SEZ6L: variants seen among roughly 807,000 people sequenced by gnomAD.
SEZ6L encodes the protein seizure 6-like protein.
A neutral mutation model predicts 106.2 loss-of-function variants in SEZ6L; 37 were observed. That is an observed-to-expected ratio of 0.35 (90% CI 0.27 to 0.46). The LOEUF is 0.46. Among genes scored for constraint, SEZ6L ranks in the 20% least tolerant of loss-of-function variants. SEZ6L has a pLI of 1.00. For missense variants in SEZ6L, 1,172 were observed against 1,332.8 expected, an observed-to-expected ratio of 0.88 and a Z score of 1.88; for synonymous variants, 541 against 570.4, an observed-to-expected ratio of 0.95 and a Z score of 0.73.
At chr22:26,298,619 T>C (rs2081365537) in intron 4 of SEZ6L, among the ~76,000 whole-genome samples, 1 of 152,206 alleles carries the variant, frequency 6.6e-6, no homozygotes, top group African/African-American at 2.4e-5. Flanking sequence ...GCACTCAAGA[T>C]GTGCACGCAG....
Position 26,375,643 on chromosome 22 carries a change from C to A in SEZ6L, c.2896C>A (p.Leu966Ile). 1 of 1,614,152 alleles carries A rather than the reference C, an allele frequency of 6.2e-7. No homozygotes were observed. ...GGCCCTGGCTATCTTCATCCCGGTC[C>A]TCATCATCTCCTTACTGCTGGGAGG... ...NMALAIFIPV[L>I]IISLLLGGAY... Residue 966 changes from leucine (L) to isoleucine (I), a missense_variant, in exon 15 of 17, where the codon CTC (leucine) becomes ATC (isoleucine). Physicochemically the swap from Leu to Ile is conservative, Grantham distance 5 (BLOSUM62 2). Transcript: ENST00000248933.
At chr22:26,268,508 G>T (rs977172762) in intron 1 of SEZ6L, among the ~76,000 whole-genome samples, 1 of 152,020 alleles carries the variant, frequency 6.6e-6, no homozygotes, top group African/African-American at 2.4e-5. Context: ...AGTAGCCAGG[G>T]GGATCTAGCA....
At chr22:26,240,981 G>A (rs1301278014) in intron 1 of SEZ6L, among the ~76,000 whole-genome samples, 1 of 152,168 alleles carries the variant, frequency 6.6e-6, no homozygotes, top group East Asian at 1.9e-4. Context: ...AGACAGAGGA[G>A]GGCAATGGAC....
At chr22:26,307,495 C>G (rs558612910) in intron 6 of SEZ6L, among the ~76,000 whole-genome samples, 30 of 148,764 alleles carry the variant, frequency 2.0e-4, no homozygotes, top group Non-Finnish European at 3.7e-4. Context: ...AAAAAAAAGA[C>G]AACTGAATAA....
rs138155974 is a variant in SEZ6L, at chr22:26,296,767, T to A, written c.970-121T>A. 742 of 762,294 alleles carry A rather than the reference T, an allele frequency of 9.7e-4. 12 individuals carry two copies. In the East Asian group the frequency reaches 0.024, roughly 24 times the overall value. 47.2% of individuals were successfully genotyped at this position (762,294 alleles called of 1,614,324 possible). ...GTGGGCTCGGCATGGGGCCCAGGGG[T>A]CCCGTTGACCAGGGGCTAGCAGTAC... On this transcript the variant is annotated intron_variant, in intron 3 of 16. Coordinates refer to ENST00000248933, the MANE Select transcript of SEZ6L (RefSeq NM_021115.5).
At chr22:26,329,840 A>G (rs2145964624) in intron 9 of SEZ6L, among the ~76,000 whole-genome samples, 1 of 152,368 alleles carries the variant, frequency 6.6e-6, no homozygotes, top group South Asian at 2.1e-4. Context: ...AACTTTAAAC[A>G]TGTCCCTTCT....
At chr22:26,197,430 G>T (rs1003478837) in intron 1 of SEZ6L, among the ~76,000 whole-genome samples, 1 of 152,174 alleles carries the variant, frequency 6.6e-6, no homozygotes, top group Non-Finnish European at 1.5e-5. Flanking sequence ...CCCGAGCCTG[G>T]TCTTACTGGG....
chr22:26,205,825 T>G (rs910695573), intron 1 of SEZ6L, among the ~76,000 whole-genome samples: 1 of 152,168 alleles, frequency 6.6e-6, no homozygotes, highest in African/African-American at 2.4e-5. Flanking sequence ...CTTTTTTTTC[T>G]TTTCAAGCAT....
Position 26,169,668 on chromosome 22 carries a change from C to T in SEZ6L, c.-2C>T. The T allele has an allele frequency of 7.8e-7, 1 of 1,287,986 alleles. No individual in the cohort carries two copies. Among genetic ancestry groups the T allele is most frequent in the Non-Finnish European group, 1.0e-6 (1 of 1,002,410 alleles). The allele number at this position is 1,287,986 out of a possible 1,614,324, so 79.8% of individuals were successfully genotyped here. ...AGCGGCTCCGCGCCCCCTGCAGCCA[C>T]GATGCCCGCGGCCCGGCCGCCCGCC... On this transcript the variant is annotated 5_prime_UTR_variant, in exon 1 of 17. It adds an upstream start codon to the 5' untranslated region. Transcript: ENST00000248933.
chr22:26,175,888 G>C (rs1024109872), intron 1 of SEZ6L, among the ~76,000 whole-genome samples: 5 of 152,210 alleles, frequency 3.3e-5, no homozygotes, highest in African/African-American at 1.2e-4. Context: ...TTACAGGGCT[G>C]GGATGGGACA....
chr22:26,245,911 C>T (rs955198182), intron 1 of SEZ6L, among the ~76,000 whole-genome samples: 4 of 152,168 alleles, frequency 2.6e-5, no homozygotes, highest in Non-Finnish European at 4.4e-5. Context: ...TTGCTGCTAC[C>T]TGCTACAAAG....
intron 1 of SEZ6L, among the ~76,000 whole-genome samples, chr22:26,175,775 C>A (rs774000020): frequency 6.6e-6 from 1 of 152,132 alleles, no homozygotes; most frequent in African/African-American, 2.4e-5. Context: ...CTGTAAGCCC[C>A]TAAATTCAGG....
intron 1 of SEZ6L, among the ~76,000 whole-genome samples, chr22:26,252,622 A>G (rs2079639255): frequency 6.6e-6 from 1 of 152,182 alleles, no homozygotes; most frequent in African/African-American, 2.4e-5. Context: ...ATCTAAATGT[A>G]CATATGCATC....
chr22:26,193,781 T>C (rs901616991), intron 1 of SEZ6L, among the ~76,000 whole-genome samples: 3 of 152,184 alleles, frequency 2.0e-5, no homozygotes, highest in African/African-American at 7.2e-5. Context: ...TTGGACCAAA[T>C]TCTTCCAGGA....
chr22:26,220,754 G>A (rs1258766106), intron 1 of SEZ6L, among the ~76,000 whole-genome samples: 1 of 152,196 alleles, frequency 6.6e-6, no homozygotes, highest in Non-Finnish European at 1.5e-5. Flanking sequence ...AGGGGCCACT[G>A]GGTATCCCCA....
chr22:26,262,086 G>A (rs1426160026), intron 1 of SEZ6L, among the ~76,000 whole-genome samples: 1 of 151,996 alleles, frequency 6.6e-6, no homozygotes, highest in African/African-American at 2.4e-5. Context: ...AGGGTAGCAA[G>A]TGAGTTCTAT....
intron 10 of SEZ6L, among the ~76,000 whole-genome samples, chr22:26,345,489 C>T (rs1329432007): frequency 6.6e-6 from 1 of 152,188 alleles, no homozygotes; most frequent in East Asian, 1.9e-4. Flanking sequence ...GCTCCCATTT[C>T]TCCCCTTTCA....
Position 26,169,769 on chromosome 22 carries a change from C to G in SEZ6L, c.94+6C>G. ...GGCGGCAGCGCTGGAGCGAGGTAAG[C>G]GCCCCGAGGGGCGGGGCGGGCAGGG... On this transcript the variant is annotated splice_donor_region_variant and intron_variant, in intron 1 of 16. Coordinates refer to ENST00000248933, the MANE Select transcript of SEZ6L (RefSeq NM_021115.5). The G allele has an allele frequency of 8.1e-7, 1 of 1,241,782 alleles. No individual in the cohort carries two copies. The allele number at this position is 1,241,782 out of a possible 1,614,324, so 76.9% of individuals were successfully genotyped here. A position where few individuals can be genotyped will look rare whatever the true frequency, so the allele number is the denominator to read the frequency against.
intron 1 of SEZ6L, among the ~76,000 whole-genome samples, chr22:26,233,399 G>A (rs6004966): frequency 5.5e-4 from 83 of 152,250 alleles, no homozygotes; most frequent in African/African-American, 1.8e-3. Flanking sequence ...GAGCCTCCCC[G>A]AAGTCCTCAC....
Sources: gnomAD v4.1 joint callset for allele counts (sites outside exome capture counted in the v4.1 genomes callset) on GRCh38, gnomAD v4.1.1 for gene constraint, MANE v1.5 for transcripts, NCBI Gene and HGNC (gene_info 2026-07-23, HGNC 2026-07-21) for gene names.